The following FRMD6 variants were observed in gnomAD, a reference collection of about 807,000 sequenced individuals.
FRMD6 encodes FERM domain-containing protein 6.
A neutral mutation model predicts 73.2 loss-of-function variants in FRMD6; 37 were observed. The observed-to-expected ratio is 0.51, with a 90% CI of 0.39 to 0.66. The LOEUF is 0.66. Ranked by LOEUF, FRMD6 falls within the 30% of genes least tolerant of loss-of-function variation. The pLI is 0.00. For synonymous variants in FRMD6, 273 were observed against 282.2 expected, an observed-to-expected ratio of 0.97 and a Z score of 0.33; for missense variants, 714 against 780.5, an observed-to-expected ratio of 0.91 and a Z score of 1.02.
At chr14:51,437,034 C>T in the FRMD6 span, 5 of 523,134 alleles carry the variant, frequency 9.6e-6, no homozygotes, top group Middle Eastern at 1.3e-3. Flanking sequence ...ATGTGCACAA[C>T]GTGCAAGTTT....
chr14:51,588,245 T>A (rs922494967), intron 2 of FRMD6, among the ~76,000 whole-genome samples: 1 of 152,138 alleles, frequency 6.6e-6, no homozygotes, highest in Admixed American at 6.6e-5. Context: ...GTTGTTCTGT[T>A]TTCTGTTAAT....
chr14:51,605,964 G>A (rs918713906), intron 2 of FRMD6, among the ~76,000 whole-genome samples: 1 of 152,186 alleles, frequency 6.6e-6, no homozygotes, highest in Non-Finnish European at 1.5e-5. Flanking sequence ...TGTCTTCAGA[G>A]GGTCAGAGAA....
At chr14:51,531,611 G>A (rs1376633997) in intron 1 of FRMD6, among the ~76,000 whole-genome samples, 2 of 152,160 alleles carry the variant, frequency 1.3e-5, no homozygotes, top group Non-Finnish European at 1.5e-5. Flanking sequence ...AAAATGTGTT[G>A]TATCTACAGC....
chr14:51,408,638 G>A, the FRMD6 span, among the ~76,000 whole-genome samples: 1 of 151,638 alleles, frequency 6.6e-6, no homozygotes, highest in Non-Finnish European at 1.5e-5. Flanking sequence ...CTTCATAATC[G>A]TTTTACTCTC....
At chr14:51,573,713 T>C (rs1469290916) in intron 2 of FRMD6, among the ~76,000 whole-genome samples, 1 of 152,212 alleles carries the variant, frequency 6.6e-6, no homozygotes, top group Non-Finnish European at 1.5e-5. Flanking sequence ...CAAATCTCTA[T>C]GTCCAAGTTA....
chr14:51,585,313 C>T (rs1888963841), intron 2 of FRMD6, among the ~76,000 whole-genome samples: 1 of 152,206 alleles, frequency 6.6e-6, no homozygotes, highest in East Asian at 1.9e-4. Context: ...ACACATACGA[C>T]TTAAATTTGT....
chr14:51,720,140 G>C lies in FRMD6; in HGVS notation c.1110G>C (p.Gly370=). 2 of 1,613,894 alleles carry C rather than the reference G, an allele frequency of 1.2e-6. No individual in the cohort carries two copies. Among genetic ancestry groups the C allele is most frequent in the Non-Finnish European group, 1.7e-6 (2 of 1,180,040 alleles). Residue 370 remains glycine (G), a synonymous_variant, in exon 11 of 14, where the codon GGG becomes GGC. Transcript: ENST00000344768. ...TGGAAAAACGGTCGCGGGCCAGCGG[G>C]AGCAGTGCGGGCAGCATGAAACACA... ...DQLEKRSRAS[G]SSAGSMKHKR...
chr14:51,582,088 C>T (rs1406418573), intron 2 of FRMD6, among the ~76,000 whole-genome samples: 2 of 152,172 alleles, frequency 1.3e-5, no homozygotes, highest in Non-Finnish European at 2.9e-5. Context: ...GCATAGGGCT[C>T]AATAAGTATT....
chr14:51,688,408 A>C (rs945369983), intron 1 of FRMD6, among the ~76,000 whole-genome samples: 6 of 152,182 alleles, frequency 3.9e-5, no homozygotes, highest in African/African-American at 1.4e-4. Flanking sequence ...TTTAAGAAGA[A>C]TACTAGATTA....
the FRMD6 span, among the ~76,000 whole-genome samples, chr14:51,438,173 A>G: frequency 5.3e-4 from 80 of 152,312 alleles, no homozygotes; most frequent in Middle Eastern, 3.4e-3. Flanking sequence ...GGCATGTTCA[A>G]TTGTGATATT....
At chr14:51,469,511 G>A in the FRMD6 span, among the ~76,000 whole-genome samples, 51 of 151,086 alleles carry the variant, frequency 3.4e-4, no homozygotes, top group African/African-American at 1.2e-3. Flanking sequence ...TACTCGGGAG[G>A]CTGAGGCAGG....
chr14:51,574,904 C>T (rs1888322953), intron 2 of FRMD6, among the ~76,000 whole-genome samples: 1 of 152,176 alleles, frequency 6.6e-6, no homozygotes, highest in Non-Finnish European at 1.5e-5. Flanking sequence ...GATTACTACA[C>T]ATTGCATGCC....
intron 1 of FRMD6, among the ~76,000 whole-genome samples, chr14:51,558,901 C>G (rs1887313919): frequency 6.6e-6 from 1 of 152,182 alleles, no homozygotes; most frequent in Admixed American, 6.5e-5. Context: ...TTGTACCACT[C>G]TTTGCCAAAT....
At chr14:51,586,201 C>A (rs1035367282) in intron 2 of FRMD6, among the ~76,000 whole-genome samples, 2 of 151,806 alleles carry the variant, frequency 1.3e-5, no homozygotes, top group African/African-American at 4.8e-5. Flanking sequence ...TTCCCACCAA[C>A]GATGTATAAT....
rs1344239644 is a variant in FRMD6 at position 51,645,602 on chromosome 14, AATTTTTTATTTTTTT to A, written c.-146-44075_-146-44061del. On this transcript the variant is annotated intron_variant, in intron 2 of 14. Transcript: ENST00000356218. Reference sequence around the variant, plus strand: ...TAGCTGCAAGCCACTCCGCCCAGCTAATTTTTTATTTTTTTATTTTTTATTTTTATAGAGATAGGG... The same window carrying A: ...TAGCTGCAAGCCACTCCGCCCAGCTAATTTTTTATTTTTATAGAGATAGGG... 3.3e-5 allele frequency among the ~76,000 whole-genome samples: 5 copies of A among 151,914 alleles called. No individual in the cohort carries two copies. The South Asian group carries it at 8.3e-4, about 25-fold the overall frequency.
chr14:51,708,668 T>G (rs1314038268), intron 7 of FRMD6, among the ~76,000 whole-genome samples: 1 of 152,146 alleles, frequency 6.6e-6, no homozygotes, highest in East Asian at 1.9e-4. Flanking sequence ...ACAGGTAATG[T>G]TTATGGAGTC....
chr14:51,552,984 A>C (rs917421067), intron 1 of FRMD6, among the ~76,000 whole-genome samples: 3 of 152,204 alleles, frequency 2.0e-5, no homozygotes, highest in Admixed American at 6.5e-5. Flanking sequence ...AGGTGATTCC[A>C]GTAGGTAATG....
chr14:51,638,590 C>G (rs1026876623), intron 2 of FRMD6, among the ~76,000 whole-genome samples: 3 of 152,174 alleles, frequency 2.0e-5, no homozygotes, highest in African/African-American at 7.2e-5. Context: ...TCAGTCAGCT[C>G]CCCATTTGTG....
chr14:51,581,660 A>C (rs1888731182), intron 2 of FRMD6, among the ~76,000 whole-genome samples: 1 of 152,216 alleles, frequency 6.6e-6, no homozygotes, highest in Admixed American at 6.5e-5. Flanking sequence ...AGAGGCAATA[A>C]AATGCTAAGT....
Sources: allele counts gnomAD v4.1 joint callset (sites outside exome capture counted in the v4.1 genomes callset), GRCh38; gene constraint gnomAD v4.1.1; transcripts MANE v1.5; gene names NCBI Gene and HGNC (gene_info 2026-07-23, HGNC 2026-07-21).